Variants in SLC26A8 observed in about 807,000 individuals in gnomAD.
The protein encoded by SLC26A8 is testis anion transporter 1.
In SLC26A8, 70 loss-of-function variants were observed where a neutral mutation model predicts 105.0. That is an observed-to-expected ratio of 0.67 (90% confidence interval 0.55 to 0.81). SLC26A8 has a LOEUF of 0.81. SLC26A8 is among the 40% of genes least tolerant of loss of function. The pLI is 0.00. For missense variants in SLC26A8, 998 were observed against 1,181.8 expected (o/e 0.84, Z 2.28); for synonymous variants, 415 against 438.3 (o/e 0.95, Z 0.66).
Position 35,962,597 on chromosome 6 carries a change from T to G in SLC26A8, c.1390A>C (p.Ser464Arg), listed in dbSNP as rs201957816. The G allele has an allele frequency of 1.4e-4, 233 of 1,613,982 alleles. No homozygotes were observed. Among genetic ancestry groups the G allele is most frequent in the Admixed American group, 2.8e-4 (17 of 59,976 alleles). ...PNAVLAGIIL[S>R]NVIPYLETIS... ...GTTTCAAGGTAGGGAATGACGTTGC[T>G]CAGAATAATACCAGCCAGCACAGCC... is the stretch of plus-strand genomic sequence containing the variant. Residue 464 changes from serine (S) to arginine (R), a missense_variant, in exon 12 of 20, where the codon AGC becomes CGC. Physicochemically the swap from Ser to Arg is moderately radical, Grantham distance 110. Transcript: ENST00000490799.
chr6:35,975,980 A>G (rs1773003704), intron 9 of SLC26A8, among the ~76,000 whole-genome samples: 2 of 152,036 alleles, frequency 1.3e-5, no homozygotes, highest in South Asian at 4.1e-4. Context: ...ACTAAACCAA[A>G]TCATCATTTT....
chr6:36,020,499 G>A (rs1291141253), intron 1 of SLC26A8, among the ~76,000 whole-genome samples: 1 of 152,150 alleles, frequency 6.6e-6, no homozygotes. Flanking sequence ...ATGGCATGTA[G>A]TCCTAGCTGC....
intron 17 of SLC26A8, chr6:35,954,758 A>C (rs1422195288): frequency 4.4e-6 from 1 of 228,058 alleles, no homozygotes; most frequent in Non-Finnish European, 8.7e-6. Context: ...CAACCTGGCC[A>C]ACATGGTGAA....
At chr6:35,965,748 T>C (rs1772487114) in intron 11 of SLC26A8, among the ~76,000 whole-genome samples, 1 of 151,042 alleles carries the variant, frequency 6.6e-6, no homozygotes, top group Admixed American at 6.6e-5. Context: ...CCCAGCACTT[T>C]GGGAGGCTGA....
At position 35,960,829 on chromosome 6, in the gene SLC26A8, A is replaced by T; in HGVS notation, c.1638+14T>A. ...TCCCTTAGGCAGAGAAATGGGACCC[A>T]TTTGGATTCTTACCTCCCGATAATC... On this transcript the variant is annotated intron_variant, in intron 14 of 19. Transcript: ENST00000490799. 1 of 1,613,790 alleles carries T rather than the reference A, an allele frequency of 6.2e-7. No individual in the cohort carries two copies. The highest frequency in any genetic ancestry group is 2.2e-5 in the East Asian group (1 of 44,882).
At chr6:36,023,162 T>TACCCATCCATCC in intron 1 of SLC26A8, among the ~76,000 whole-genome samples, 1 of 143,094 alleles carries the variant, frequency 7.0e-6, no homozygotes, top group African/African-American at 2.6e-5. Context: ...ATAGTACCCT[T>TACCCATCCATCC]ATCCATCCAT....
At chr6:35,978,148 A>G (rs1731260785) in intron 8 of SLC26A8, among the ~76,000 whole-genome samples, 1 of 122,692 alleles carries the variant, frequency 8.2e-6, no homozygotes, top group African/African-American at 3.7e-5. Flanking sequence ...CACAAGAAGA[A>G]AAAAAAAAAA....
At chr6:36,014,652 C>A (rs112065360) in intron 2 of SLC26A8, among the ~76,000 whole-genome samples, 15,201 of 152,124 alleles carry the variant, frequency 0.1, 955 homozygotes, top group Non-Finnish European at 0.14. Context: ...GAGGCCAAGG[C>A]GGGCGGATCA....
At chr6:35,983,446 G>A (rs1461028137) in intron 7 of SLC26A8, among the ~76,000 whole-genome samples, 1 of 152,028 alleles carries the variant, frequency 6.6e-6, no homozygotes, top group Non-Finnish European at 1.5e-5. Context: ...ATGAACATAT[G>A]TATAATTTCT....
chr6:35,976,629 C>G (rs899102588), intron 9 of SLC26A8, among the ~76,000 whole-genome samples: 1 of 150,330 alleles, frequency 6.7e-6, no homozygotes, highest in Non-Finnish European at 1.5e-5. Context: ...CAAGTTCCGC[C>G]TCCCGGGTTC....
Position 35,943,955 on chromosome 6 carries a change from C to T in SLC26A8, c.2858G>A (p.Arg953Lys), listed in dbSNP as rs1771570104. The part of the protein sequence containing the change: ...TQTRTWSVER[R>K]RHPMDSYSPE... ...TGAGTATGAATCCATAGGATGGCGT[C>T]TCCTCTCCACTGACCATGTCCGAGT... The change falls in exon 20 of 20, where the codon AGA becomes AAA. Residue 953 changes from arginine (R) to lysine (K), a missense_variant. Transcript: ENST00000490799. 1 of 1,614,064 alleles carries T rather than the reference C, an allele frequency of 6.2e-7. No individual in the cohort carries two copies. The highest frequency in any genetic ancestry group is 1.3e-5 in the African/African-American group (1 of 74,910).
At chr6:35,974,275 G>T (rs1042885388) in intron 10 of SLC26A8, among the ~76,000 whole-genome samples, 1 of 152,170 alleles carries the variant, frequency 6.6e-6, no homozygotes, top group Non-Finnish European at 1.5e-5. Flanking sequence ...CCGAGATCGC[G>T]TCACTGCACT....
intron 5 of SLC26A8, among the ~76,000 whole-genome samples, chr6:35,993,392 T>C (rs373064082): frequency 1.3e-3 from 195 of 152,158 alleles, no homozygotes; most frequent in African/African-American, 4.6e-3. Flanking sequence ...AATGCAGCTT[T>C]TCACAAAGGA....
intron 12 of SLC26A8, among the ~76,000 whole-genome samples, chr6:35,961,667 C>A (rs1772312687): frequency 6.6e-6 from 1 of 152,234 alleles, no homozygotes; most frequent in Non-Finnish European, 1.5e-5. Context: ...TAGAAACTAT[C>A]TGTGCAGTGG....
intron 5 of SLC26A8, among the ~76,000 whole-genome samples, chr6:35,995,665 A>G (rs935404608): frequency 6.8e-5 from 7 of 103,418 alleles, no homozygotes; most frequent in Non-Finnish European, 1.5e-4. Flanking sequence ...CACCACACCC[A>G]GCTATTTTTT....
Position 36,019,734 on chromosome 6 carries a change from TA to T in SLC26A8, c.-2-26del, listed in dbSNP as rs1213484059. 2.5e-6 allele frequency: 4 copies of T among 1,574,006 alleles called. No homozygotes were observed. In the East Asian group the frequency reaches 9.1e-5, roughly 36 times the overall value. On this transcript the variant is annotated intron_variant, in intron 1 of 19. Transcript: ENST00000490799. ...CCTGGATGAGTGGAAAGAGAGCAAA[TA>T]AAAGAGCATTTTCAGTAATCCAGAT...
At chr6:35,966,818 T>C (rs1392114153) in intron 11 of SLC26A8, among the ~76,000 whole-genome samples, 1 of 152,186 alleles carries the variant, frequency 6.6e-6, no homozygotes, top group Non-Finnish European at 1.5e-5. Context: ...GCTAACTAGA[T>C]GCTATAAAAT....
chr6:35,991,401 CA>C (rs10717911), intron 7 of SLC26A8, among the ~76,000 whole-genome samples: 51,387 of 100,512 alleles, frequency 0.51, 9,995 homozygotes, highest in Middle Eastern at 0.66. Context: ...AAGACTCTGT[CA>C]AAAAAAAAAA....
intron 11 of SLC26A8, among the ~76,000 whole-genome samples, chr6:35,965,825 T>C (rs377238499): frequency 1.2e-4 from 18 of 151,226 alleles, no homozygotes; most frequent in African/African-American, 3.9e-4. Flanking sequence ...ACTCCATCTC[T>C]ACTAAAAATG....
Sources: gnomAD v4.1 joint callset for allele counts (sites outside exome capture counted in the v4.1 genomes callset) on GRCh38, gnomAD v4.1.1 for gene constraint, MANE v1.5 for transcripts, NCBI Gene and HGNC (gene_info 2026-07-23, HGNC 2026-07-21) for gene names.